The following ARL3 variants were observed in gnomAD, a reference collection of about 807,000 sequenced individuals.
ARL3 encodes ARF like GTPase 3.
ARL3 carries 9 observed loss-of-function variants against 26.0 expected under a neutral mutation model. The ratio of observed to expected loss-of-function variants is 0.35; its 90% CI spans 0.21 to 0.60. The LOEUF (loss-of-function observed/expected upper bound fraction) is 0.60. Ranked by LOEUF, ARL3 falls within the 20% of genes least tolerant of loss-of-function variation. The probability of loss-of-function intolerance (pLI) is 0.78; values close to 1 mark genes in which losing one functional copy is unlikely to be tolerated. For synonymous variants in ARL3, 71 were observed against 78.4 expected, an observed-to-expected ratio of 0.91 and a Z score of 0.50; for missense variants, 158 against 215.7, an observed-to-expected ratio of 0.73 and a Z score of 1.67.
rs551360928 is a variant in ARL3 at position 102,702,068 on chromosome 10, G to T, written c.148-2579C>A. On this transcript the variant is annotated intron_variant, in intron 2 of 5. Coordinates refer to ENST00000260746, the MANE Select transcript of ARL3 (RefSeq NM_004311.4). ...TAGCTGGGTGTGGTGGCACATGCCT[G>T]CAGTCCTAACTACTCAGGAGCCTGA... Among the ~76,000 whole-genome samples the T allele has an allele frequency of 2.0e-5, 3 of 151,016 alleles. No individual in the cohort carries two copies. The East Asian group carries it at 5.8e-4, about 29-fold the overall frequency.
intron 2 of ARL3, among the ~76,000 whole-genome samples, chr10:102,703,530 A>T (rs1590127183): frequency 1.7e-5 from 2 of 120,854 alleles, no homozygotes; most frequent in African/African-American, 3.2e-5. Flanking sequence ...TGCAAGCTCC[A>T]CCTCCTGGGT....
chr10:102,679,510 C>T (rs2064144896), intron 5 of ARL3, among the ~76,000 whole-genome samples: 1 of 152,180 alleles, frequency 6.6e-6, no homozygotes, highest in Admixed American at 6.5e-5. Context: ...TGGTGCCCAG[C>T]GTGGTGCTCC....
intron 1 of ARL3, among the ~76,000 whole-genome samples, chr10:102,706,767 G>A (rs2064313056): frequency 6.6e-6 from 1 of 151,968 alleles, no homozygotes; most frequent in South Asian, 2.1e-4. Context: ...TGTCTCCTGG[G>A]TTCAAGCAAT....
In ARL3 at chr10:102,705,481, G is replaced by A; in HGVS notation, c.12C>T (p.Leu4=). The stretch of plus-strand genomic sequence containing the variant: ...CACTTTTCAACTTGCGCAAAATTGA[G>A]AGCAAGCCCTTCAACAACCACAAAG... MGL[L]SILRKLKSAP... The change falls in exon 2 of 6, where the codon CTC becomes CTT. Residue 4 remains leucine (L), a synonymous_variant. Coordinates refer to ENST00000260746, the MANE Select transcript of ARL3 (RefSeq NM_004311.4). 6.3e-7 allele frequency: 1 copy of A among 1,592,848 alleles called. No homozygotes were observed. The highest frequency in any genetic ancestry group is 8.6e-7 in the Non-Finnish European group (1 of 1,162,902).
At chr10:102,688,753 T>A (rs1260733786) in intron 4 of ARL3, among the ~76,000 whole-genome samples, 1 of 152,146 alleles carries the variant, frequency 6.6e-6, no homozygotes, top group Non-Finnish European at 1.5e-5. Flanking sequence ...TCTGCCCACC[T>A]CAGCCTCCCA....
chr10:102,713,053 ATTTT>A (rs377709954), intron 1 of ARL3, among the ~76,000 whole-genome samples: 1 of 118,134 alleles, frequency 8.5e-6, no homozygotes, highest in East Asian at 2.4e-4. Context: ...ACATACATCT[ATTTT>A]TTTTTTTCCT....
chr10:102,679,226 C>A (rs1046513118), intron 5 of ARL3, among the ~76,000 whole-genome samples: 3 of 152,156 alleles, frequency 2.0e-5, no homozygotes, highest in African/African-American at 7.2e-5. Flanking sequence ...CTAGCTGGGG[C>A]AAGCTTTGTC....
chr10:102,674,500 T>G lies in ARL3; in HGVS notation c.*2394A>C, dbSNP rs996615048. ...TTGCCTGCCCTCCGGCCCCCAGCCC[T>G]CTCCCCCGCACATTCAGATGCAATT... On this transcript the variant is annotated 3_prime_UTR_variant, in exon 6 of 6. Coordinates refer to ENST00000260746, the MANE Select transcript of ARL3 (RefSeq NM_004311.4). The G allele has an allele frequency of 6.6e-6, 1 of 151,896 alleles. No individual in the cohort carries two copies. Among genetic ancestry groups the G allele is most frequent in the Non-Finnish European group, 1.5e-5 (1 of 68,032 alleles). 9.4% of individuals were successfully genotyped at this position (151,896 alleles called of 1,614,324 possible). A position where few individuals can be genotyped will look rare whatever the true frequency, so the allele number is the denominator to read the frequency against.
intron 3 of ARL3, among the ~76,000 whole-genome samples, chr10:102,690,810 G>A (rs1277224328): frequency 2.6e-5 from 4 of 151,536 alleles, no homozygotes; most frequent in Non-Finnish European, 5.9e-5. Flanking sequence ...TAAAGCTCAT[G>A]TCAGATGTTC....
In ARL3 at chr10:102,685,925, A is replaced by T. The variant is rs754624331; in HGVS notation, c.392T>A (p.Leu131His). The part of the protein sequence containing the change: ...VLIFANKQDL[L>H]TAAPASEIAE... ...AATTTCAGAGGCAGGGGCTGCTGTG[A>T]GCAAATCCTGCTTATTAGCAAAGAT... is the stretch of plus-strand genomic sequence containing the variant. The change falls in exon 5 of 6, where the codon CTC (leucine) becomes CAC (histidine). Residue 131 changes from leucine (L) to histidine (H), a missense_variant. Coordinates refer to ENST00000260746, the MANE Select transcript of ARL3 (RefSeq NM_004311.4). The T allele has an allele frequency of 6.2e-7, 1 of 1,614,174 alleles. No individual in the cohort carries two copies. The highest frequency in any genetic ancestry group is 2.2e-5 in the East Asian group (1 of 44,888).
intron 5 of ARL3, among the ~76,000 whole-genome samples, chr10:102,679,354 C>T (rs923929772): frequency 1.3e-5 from 2 of 152,208 alleles, no homozygotes; most frequent in Non-Finnish European, 1.5e-5. Flanking sequence ...TTCCCAGAAC[C>T]TAACATGATG....
chr10:102,686,061 C>T, intron 4 of ARL3, 60 bp from the exon 5 acceptor site: 1 of 1,320,752 alleles, frequency 7.6e-7, no homozygotes, highest in Non-Finnish European at 1.0e-6. Flanking sequence ...TGATATTTAA[C>T]CATACACTAC....
chr10:102,695,019 T>C (rs1168447071), intron 3 of ARL3, among the ~76,000 whole-genome samples: 1 of 152,240 alleles, frequency 6.6e-6, no homozygotes, highest in Non-Finnish European at 1.5e-5. Context: ...GCGCCCGGCC[T>C]ATGCTGTCTT....
At chr10:102,691,278 CCA>C (rs1564730734) in intron 3 of ARL3, among the ~76,000 whole-genome samples, 1 of 120,582 alleles carries the variant, frequency 8.3e-6, no homozygotes, top group African/African-American at 3.2e-5. Context: ...CCCCCTCCCC[CCA>C]CCCCACCACA....
chr10:102,686,070 A>AAT, intron 4 of ARL3, 69 bp from the exon 5 acceptor site: 1 of 1,146,776 alleles, frequency 8.7e-7, no homozygotes, highest in Non-Finnish European at 1.2e-6. Context: ...ACCATACACT[A>AAT]CTTTTTTTTT....
intron 3 of ARL3, among the ~76,000 whole-genome samples, chr10:102,694,867 T>C (rs1173450807): frequency 6.6e-6 from 1 of 152,176 alleles, no homozygotes; most frequent in African/African-American, 2.4e-5. Context: ...TACAGGTGCC[T>C]GCCACTACAC....
At chr10:102,681,221 C>T (rs2135995787) in intron 5 of ARL3, among the ~76,000 whole-genome samples, 1 of 151,268 alleles carries the variant, frequency 6.6e-6, no homozygotes, top group South Asian at 2.1e-4. Context: ...AACCTCGTTG[C>T]TACTAAAAAA....
chr10:102,678,096 T>C (rs1262786676), intron 5 of ARL3, among the ~76,000 whole-genome samples: 2 of 152,200 alleles, frequency 1.3e-5, no homozygotes, highest in Non-Finnish European at 2.9e-5. Context: ...TTACAGTGAT[T>C]ACAACTCTGC....
rs145489534 is a variant in ARL3, at chr10:102,702,625, T to C, written c.147+2721A>G. Among the ~76,000 whole-genome samples, 42 of 152,242 alleles carry C rather than the reference T, an allele frequency of 2.8e-4. No homozygotes were observed. The East Asian group carries it at 7.7e-3, about 28-fold the overall frequency. On this transcript the variant is annotated intron_variant, in intron 2 of 5. Transcript: ENST00000260746. ...TAGTGTTCTTGAGAGACACAGTTTA[T>C]TGCTAATACTAAAAAAACAAAAACA... is the stretch of plus-strand genomic sequence containing the variant.
Sources: gnomAD v4.1 joint callset for allele counts (sites outside exome capture counted in the v4.1 genomes callset) on GRCh38, gnomAD v4.1.1 for gene constraint, MANE v1.5 for transcripts, NCBI Gene and HGNC (gene_info 2026-07-23, HGNC 2026-07-21) for gene names.